Variants in ERP44 observed in about 807,000 individuals in gnomAD.
The protein encoded by ERP44 is endoplasmic reticulum resident protein 44.
ERP44 carries 25 observed loss-of-function variants against 53.4 expected under a neutral mutation model. The observed-to-expected ratio is 0.47, with a 90% CI of 0.34 to 0.65. The LOEUF (loss-of-function observed/expected upper bound fraction) is 0.65. ERP44 is among the 30% of genes least tolerant of loss of function. The pLI, the probability that ERP44 is intolerant of heterozygous loss-of-function variation, is 0.01. For synonymous variants in ERP44, 145 were observed against 161.2 expected (o/e 0.90, Z 0.76); for missense variants, 338 against 493.2 (o/e 0.69, Z 2.98).
chr9:100,068,530 C>T (rs1465807948), intron 1 of ERP44, among the ~76,000 whole-genome samples: 4 of 135,340 alleles, frequency 3.0e-5, no homozygotes, highest in African/African-American at 5.6e-5. Flanking sequence ...GGGGGTTCAG[C>T]CCCCCGCCCG....
intron 4 of ERP44, among the ~76,000 whole-genome samples, chr9:100,031,420 A>G (rs554264349): frequency 2.0e-5 from 3 of 152,228 alleles, no homozygotes; most frequent in Admixed American, 1.3e-4. Context: ...AAACTGTCCA[A>G]TGCTGTAGCT....
intron 2 of ERP44, 22 bp from the exon 3 acceptor site, chr9:100,057,881 A>G: frequency 6.5e-7 from 1 of 1,540,686 alleles, no homozygotes; most frequent in Admixed American, 1.8e-5. Flanking sequence ...AGACAAAACC[A>G]AATAAGATAT....
intron 4 of ERP44, among the ~76,000 whole-genome samples, chr9:100,031,649 G>C (rs920607355): frequency 1.3e-5 from 2 of 152,144 alleles, no homozygotes; most frequent in Non-Finnish European, 2.9e-5. Context: ...CATTTGGCCT[G>C]GCTAAAGTCA....
At chr9:99,983,780 A>C (rs1478258228) in intron 11 of ERP44, among the ~76,000 whole-genome samples, 1 of 152,138 alleles carries the variant, frequency 6.6e-6, no homozygotes, top group South Asian at 2.1e-4. Flanking sequence ...CTCTTTCCCA[A>C]TACATTTTTA....
rs184199806 is a variant in ERP44, at chr9:100,031,822, T to A, written c.287-9596A>T. Among the ~76,000 whole-genome samples the A allele has an allele frequency of 5.9e-5, 9 of 152,304 alleles. No homozygotes were observed. The East Asian group carries it at 1.7e-3, about 29-fold the overall frequency. ...TTGGGAAAAACCTCTGTTTTCCTCATGAAACCCTAGAAATTAGAAATAGCT... is the reference window on the plus strand; with the variant it reads ...TTGGGAAAAACCTCTGTTTTCCTCAAGAAACCCTAGAAATTAGAAATAGCT... On this transcript the variant is annotated intron_variant, in intron 4 of 11. Coordinates refer to ENST00000262455, the MANE Select transcript of ERP44 (RefSeq NM_015051.3).
intron 8 of ERP44, among the ~76,000 whole-genome samples, chr9:100,011,728 G>A (rs760000985): frequency 5.3e-5 from 8 of 152,040 alleles, no homozygotes; most frequent in Non-Finnish European, 1.0e-4. Context: ...AGAATCCAGG[G>A]AAATACTACT....
intron 4 of ERP44, among the ~76,000 whole-genome samples, chr9:100,047,193 A>AT (rs1311542365): frequency 1.3e-5 from 2 of 152,208 alleles, no homozygotes; most frequent in African/African-American, 4.8e-5. Context: ...TGAGGCAAAG[A>AT]CTTCTTAGAT....
At chr9:100,042,270 A>G (rs1825912546) in intron 4 of ERP44, among the ~76,000 whole-genome samples, 1 of 152,250 alleles carries the variant, frequency 6.6e-6, no homozygotes. Flanking sequence ...ACATTTCTCA[A>G]ATGAAAACAT....
chr9:100,009,205 G>A (rs528151201), intron 8 of ERP44, among the ~76,000 whole-genome samples: 3 of 152,146 alleles, frequency 2.0e-5, no homozygotes, highest in South Asian at 2.1e-4. Context: ...TCTGCCTCCC[G>A]TGTTCAAACG....
At chr9:100,019,110 G>A (rs1232210470) in intron 6 of ERP44, among the ~76,000 whole-genome samples, 1 of 152,134 alleles carries the variant, frequency 6.6e-6, no homozygotes, top group Non-Finnish European at 1.5e-5. Context: ...GAAAATAAGT[G>A]GAATAAGTAA....
chr9:99,998,221 C>T (rs1830334855), intron 10 of ERP44: 1 of 234,788 alleles, frequency 4.3e-6, no homozygotes, highest in Non-Finnish European at 8.7e-6. Flanking sequence ...GTAAGTTCTC[C>T]TTCCCAGTCA....
intron 4 of ERP44, among the ~76,000 whole-genome samples, chr9:100,039,049 A>C (rs1237055478): frequency 6.6e-6 from 1 of 152,194 alleles, no homozygotes; most frequent in Non-Finnish European, 1.5e-5. Context: ...TAAAGCAAGT[A>C]TTATTATAGC....
At chr9:100,068,946 A>T (rs1178874301) in intron 1 of ERP44, among the ~76,000 whole-genome samples, 2 of 152,236 alleles carry the variant, frequency 1.3e-5, no homozygotes, top group Non-Finnish European at 2.9e-5. Context: ...TTCTGTACTA[A>T]GAAAAATTCT....
intron 8 of ERP44, among the ~76,000 whole-genome samples, chr9:100,014,416 C>G (rs1341127615): frequency 1.3e-5 from 2 of 152,146 alleles, no homozygotes; most frequent in Non-Finnish European, 2.9e-5. Context: ...TCCCGAGTAG[C>G]TGGGATTACA....
At chr9:100,067,242 C>T (rs1365229980) in intron 1 of ERP44, among the ~76,000 whole-genome samples, 1 of 152,214 alleles carries the variant, frequency 6.6e-6, no homozygotes, top group Non-Finnish European at 1.5e-5. Flanking sequence ...TGATGCCGAG[C>T]GGAAGCTGGA....
At chr9:100,065,536 T>A (rs906737101) in intron 1 of ERP44, among the ~76,000 whole-genome samples, 2 of 152,216 alleles carry the variant, frequency 1.3e-5, no homozygotes, top group African/African-American at 4.8e-5. Flanking sequence ...TAGCTTCATG[T>A]AATCATTTAA....
intron 4 of ERP44, among the ~76,000 whole-genome samples, chr9:100,050,053 C>T (rs1826019809): frequency 6.8e-6 from 1 of 148,002 alleles, no homozygotes; most frequent in Admixed American, 6.7e-5. Flanking sequence ...AAAAAAAAAC[C>T]CAGACAAAAA....
At chr9:100,007,771 C>T (rs1486930526) in intron 8 of ERP44, 82 bp from the exon 9 acceptor site, 8 of 802,812 alleles carry the variant, frequency 1.0e-5, no homozygotes, top group Non-Finnish European at 1.7e-5. Flanking sequence ...CAATTTTGAA[C>T]CCAACCCATG....
In ERP44 at chr9:100,006,720, C is replaced by G. The variant is rs61521457; in HGVS notation, c.875-73G>C. On this transcript the variant is annotated intron_variant, in intron 9 of 11. Transcript: ENST00000262455. ...ATATTTTTGTAAGATTGCAAGCTCA[C>G]AAAAAGTGACATACTAAAAAAAAAG... The G allele has an allele frequency of 2.7e-3, 2,771 of 1,010,474 alleles. 54 individuals carry two copies. In the African/African-American group the frequency reaches 0.042, roughly 15 times the overall value. 62.6% of individuals were successfully genotyped at this position (1,010,474 alleles called of 1,614,324 possible). A position where few individuals can be genotyped will look rare whatever the true frequency, so the allele number is the denominator to read the frequency against.
Sources: gnomAD v4.1 joint callset for allele counts (sites outside exome capture counted in the v4.1 genomes callset) on GRCh38, gnomAD v4.1.1 for gene constraint, MANE v1.5 for transcripts, NCBI Gene and HGNC (gene_info 2026-07-23, HGNC 2026-07-21) for gene names.